The following NLRP14 variants were observed in gnomAD, a reference collection of about 807,000 sequenced individuals.
NLRP14 encodes the protein NACHT, LRR and PYD domains-containing protein 14.
In NLRP14, 105 loss-of-function variants were observed where a neutral mutation model predicts 94.7. The observed-to-expected ratio is 1.11, with a 90% CI of 0.95 to 1.30. The LOEUF (loss-of-function observed/expected upper bound fraction) is 1.30. Ranked by LOEUF, NLRP14 falls within the 50% of genes most tolerant of loss-of-function variation. NLRP14 has a pLI of 0.00. For missense variants in NLRP14, 1,362 were observed against 1,254.1 expected (o/e 1.09, Z -1.30); for synonymous variants, 508 against 459.9 (o/e 1.10, Z -1.34).
In NLRP14 at chr11:7,070,359, A is replaced by T. The variant is rs199475889; in HGVS notation, c.3049A>T (p.Ile1017Leu). Residue 1017 changes from isoleucine (I) to leucine (L), a missense_variant, in exon 11 of 12, where the codon ATA becomes TTA. Ile to Leu is a conservative substitution (Grantham distance 5, BLOSUM62 2). Coordinates refer to ENST00000299481, the MANE Select transcript of NLRP14 (RefSeq NM_176822.4). ...SSALICNKRL[I>L]KMNLTQNTLG... ...TGCTCTTATCTGCAACAAAAGACTG[A>T]TAAAAATGAATCTGACACAGAATAC... 1.6e-5 allele frequency: 25 copies of T among 1,610,512 alleles called. No individual in the cohort carries two copies. The African/African-American group carries it at 2.9e-4, about 19-fold the overall frequency.
the NLRP14 span, chr11:7,089,894 C>G: frequency 7.1e-5 from 115 of 1,612,838 alleles, no homozygotes; most frequent in Non-Finnish European, 9.7e-5. Flanking sequence ...GAGGCTACAG[C>G]GACCGAGACG....
At position 7,070,320 on chromosome 11, in the gene NLRP14, C is replaced by T; in HGVS notation, c.3010C>T (p.Gln1004Ter). The part of the protein sequence containing the change: ...EYCGLTSLCC[Q>*]DLSSALICNK... Reference sequence around the variant, plus strand: ...CTGTGGTTTGACATCTCTCTGCTGTCAAGATCTCTCCTCTGCTCTTATCTG... The same window carrying T: ...CTGTGGTTTGACATCTCTCTGCTGTTAAGATCTCTCCTCTGCTCTTATCTG... The change falls in exon 11 of 12, where the codon CAA (glutamine) becomes TAA (stop). Residue 1004 changes from glutamine to a stop codon, truncating the protein, a stop_gained. Coordinates refer to ENST00000299481, the MANE Select transcript of NLRP14 (RefSeq NM_176822.4). LOFTEE classifies it high-confidence loss of function. 1.2e-6 allele frequency: 2 copies of T among 1,611,956 alleles called. No homozygotes were observed. Among genetic ancestry groups the T allele is most frequent in the Non-Finnish European group, 1.7e-6 (2 of 1,178,234 alleles).
chr11:7,053,603 C>A (rs181356134), intron 6 of NLRP14, among the ~76,000 whole-genome samples: 7 of 151,624 alleles, frequency 4.6e-5, no homozygotes, highest in African/African-American at 1.7e-4. Flanking sequence ...AAAAAGCCAT[C>A]ATTTGTATTT....
chr11:7,028,436 C>T (rs2119558044), intron 1 of NLRP14, among the ~76,000 whole-genome samples: 1 of 152,240 alleles, frequency 6.6e-6, no homozygotes, highest in East Asian at 1.9e-4. Context: ...CATTTTCTCT[C>T]ATCTGGATTA....
the NLRP14 span, among the ~76,000 whole-genome samples, chr11:7,082,840 T>C: frequency 6.6e-6 from 1 of 152,196 alleles, no homozygotes; most frequent in South Asian, 2.1e-4. Context: ...ATGGGCTATT[T>C]TTACCATTAG....
At chr11:7,039,605 A>G in intron 2 of NLRP14, 109 bp from the exon 3 acceptor site, 3 of 885,680 alleles carry the variant, frequency 3.4e-6, no homozygotes, top group Non-Finnish European at 5.8e-6. Context: ...TTAAACCCAG[A>G]TAGTCATAGA....
At chr11:7,070,041 A>C (rs1214428138) in intron 10 of NLRP14, among the ~76,000 whole-genome samples, 1 of 152,162 alleles carries the variant, frequency 6.6e-6, no homozygotes, top group African/African-American at 2.4e-5. Flanking sequence ...ACGTGCTTGC[A>C]TATTTTATTT....
At chr11:7,038,921 G>A (rs1293786459) in intron 2 of NLRP14, 46 bp downstream of exon 2, 3 of 1,571,030 alleles carry the variant, frequency 1.9e-6, no homozygotes, top group Non-Finnish European at 2.6e-6. Context: ...GGAAGGAAGT[G>A]TTTCCTGGAG....
At chr11:7,055,017 C>T (rs1047936183) in intron 6 of NLRP14, among the ~76,000 whole-genome samples, 3 of 152,138 alleles carry the variant, frequency 2.0e-5, no homozygotes, top group African/African-American at 7.2e-5. Context: ...CCTTCTTTTA[C>T]ATATGAATAT....
At position 7,042,867 on chromosome 11, in the gene NLRP14, C is replaced by G; in HGVS notation, c.841C>G (p.Gln281Glu). The change falls in exon 4 of 12, where the codon CAA (glutamine) becomes GAA (glutamate). Residue 281 changes from glutamine (Q) to glutamate (E), a missense_variant. By Grantham distance (29) the Gln-to-Glu change is conservative. Transcript: ENST00000299481. Reference sequence around the variant, plus strand: ...GTTTGCACTGTGCGAAGACTGGACCCAAGAACACCCAGTGTCCTTCCTCAT... The same window carrying G: ...GTTTGCACTGTGCGAAGACTGGACCGAAGAACACCCAGTGTCCTTCCTCAT... ...PEFALCEDWT[Q>E]EHPVSFLMSS... 1 of 1,614,112 alleles carries G rather than the reference C, an allele frequency of 6.2e-7. No individual in the cohort carries two copies.
At position 7,070,409 on chromosome 11, in the gene NLRP14, G is replaced by A. The variant is rs1177112856; in HGVS notation, c.3099G>A (p.Lys1033=). 6 of 1,611,414 alleles carry A rather than the reference G, an allele frequency of 3.7e-6. No individual in the cohort carries two copies. The African/African-American group carries it at 4.0e-5, about 11-fold the overall frequency. The change falls in exon 11 of 12, where the codon AAG becomes AAA. Residue 1033 remains lysine (K), a synonymous_variant. Transcript: ENST00000299481. ...QNTLGYEGIV[K]LYKVLKSPKC... ...CCTTAGGATATGAAGGAATTGTGAA[G>A]TTATATAAAGTCTTGAAGTCTCCTA...
chr11:7,041,459 A>C (rs1310927246), intron 3 of NLRP14, among the ~76,000 whole-genome samples: 1 of 152,138 alleles, frequency 6.6e-6, no homozygotes, highest in Non-Finnish European at 1.5e-5. Flanking sequence ...ATTCTACATA[A>C]TTGCCAGAAA....
chr11:7,077,113 C>T, the NLRP14 span, among the ~76,000 whole-genome samples: 12 of 152,200 alleles, frequency 7.9e-5, 1 homozygote, highest in Admixed American at 7.9e-4. Context: ...CCCCACGTTT[C>T]TGGTTGTCTT....
chr11:7,048,276 CTTT>C (rs1466268253), intron 5 of NLRP14, among the ~76,000 whole-genome samples: 1 of 152,048 alleles, frequency 6.6e-6, no homozygotes, highest in African/African-American at 2.4e-5. Context: ...TGCTGTCAGT[CTTT>C]TTTAAATTTT....
At chr11:7,045,755 A>T (rs1948376) in intron 4 of NLRP14, among the ~76,000 whole-genome samples, 26,634 of 151,408 alleles carry the variant, frequency 0.18, 2,929 homozygotes, top group Non-Finnish European at 0.25. Context: ...TATTTAATAT[A>T]TACATATATA....
downstream of NLRP14, among the ~76,000 whole-genome samples, chr11:7,072,480 CCT>C (rs1852815292): frequency 6.6e-6 from 1 of 152,210 alleles, no homozygotes; most frequent in Non-Finnish European, 1.5e-5. Flanking sequence ...AAGCAGGCCA[CCT>C]GAGAGATTCA....
At chr11:7,023,713 G>A (rs1004476698) in intron 1 of NLRP14, among the ~76,000 whole-genome samples, 1 of 152,054 alleles carries the variant, frequency 6.6e-6, no homozygotes, top group African/African-American at 2.4e-5. Context: ...AGTTCTGCAA[G>A]CTTTACAGGA....
rs978330735 is a variant in NLRP14 at position 7,043,297 on chromosome 11, T to C, written c.1271T>C (p.Leu424Pro). 3 of 1,614,222 alleles carry C rather than the reference T, an allele frequency of 1.9e-6. No individual in the cohort carries two copies. Among genetic ancestry groups the C allele is most frequent in the Non-Finnish European group, 1.7e-6 (2 of 1,180,020 alleles). Residue 424 changes from leucine to proline, a missense_variant, in exon 4 of 12, where the codon CTG (leucine) becomes CCG (proline). Leu to Pro is a moderately conservative substitution (Grantham distance 98). Coordinates refer to ENST00000299481, the MANE Select transcript of NLRP14 (RefSeq NM_176822.4). Reference protein sequence around the residue: ...GSPSLPNQAQLRRLCQVAAKG... With the variant: ...GSPSLPNQAQPRRLCQVAAKG... ...CCTAGTCTACCCAACCAAGCCCAGC[T>C]GAGAAGACTGTGCCAAGTCGCTGCC...
chr11:7,084,569 A>G, the NLRP14 span, among the ~76,000 whole-genome samples: 1 of 152,168 alleles, frequency 6.6e-6, no homozygotes, highest in Non-Finnish European at 1.5e-5. Context: ...GGCTTTGGAG[A>G]GCTTCCAGGT....
Sources: gnomAD v4.1 joint callset for allele counts (sites outside exome capture counted in the v4.1 genomes callset) on GRCh38, gnomAD v4.1.1 for gene constraint, MANE v1.5 for transcripts, NCBI Gene and HGNC (gene_info 2026-07-23, HGNC 2026-07-21) for gene names.